The following CSMD1 variants were observed in gnomAD, a reference collection of about 807,000 sequenced individuals.
CSMD1 encodes CUB and sushi domain-containing protein 1.
In CSMD1, 213 loss-of-function variants were observed where a neutral mutation model predicts 417.5. That is an observed-to-expected ratio of 0.51 (90% CI 0.46 to 0.57). CSMD1 has a LOEUF of 0.57. Ranked by LOEUF, CSMD1 falls within the 20% of genes least tolerant of loss-of-function variation. The pLI is 0.00. For synonymous variants in CSMD1, 2,862 were observed against 1,736.8 expected, an observed-to-expected ratio of 1.65 and a Z score of -16.11; for missense variants, 6,923 against 4,529.7, an observed-to-expected ratio of 1.53 and a Z score of -15.17.
intron 15 of CSMD1, among the ~76,000 whole-genome samples, chr8:3,400,434 A>G (rs1309704231): frequency 6.6e-6 from 1 of 152,124 alleles, no homozygotes; most frequent in African/African-American, 2.4e-5. Flanking sequence ...AAAAATGCAA[A>G]AAGTTTATAT....
chr8:3,196,629 C>A (rs1238758634), intron 33 of CSMD1, among the ~76,000 whole-genome samples: 2 of 152,262 alleles, frequency 1.3e-5, no homozygotes, highest in South Asian at 2.1e-4. Context: ...TTGATTATAT[C>A]ACAGCTGATG....
rs1293144520 is a variant in CSMD1, at chr8:3,697,718, A to G, written c.1009+10696T>C. ...TCCAATTACATAGGAATAGAAAGTA[A>G]TTTAGTTATTTTCTTATATAAAATT... On this transcript the variant is annotated intron_variant, in intron 7 of 69. Transcript: ENST00000635120. 3.3e-5 allele frequency among the ~76,000 whole-genome samples: 5 copies of G among 152,212 alleles called. No individual in the cohort carries two copies. The East Asian group carries it at 9.6e-4, about 29-fold the overall frequency.
intron 1 of CSMD1, among the ~76,000 whole-genome samples, chr8:4,848,341 G>A (rs186266093): frequency 6.6e-6 from 1 of 152,170 alleles, no homozygotes; most frequent in Non-Finnish European, 1.5e-5. Flanking sequence ...TTTGGTCAAG[G>A]ATGGGCCACC....
At chr8:4,850,195 AT>A (rs1801384435) in intron 1 of CSMD1, among the ~76,000 whole-genome samples, 2 of 152,014 alleles carry the variant, frequency 1.3e-5, no homozygotes, top group African/African-American at 2.4e-5. Flanking sequence ...TCATTAACCT[AT>A]TTTTTAACTG....
chr8:3,369,133 G>A (rs1482067995), intron 19 of CSMD1, 121 bp downstream of exon 19: 1 of 554,652 alleles, frequency 1.8e-6, no homozygotes, highest in East Asian at 2.9e-5. Flanking sequence ...TTAAAATCTT[G>A]AACTATACAT....
chr8:3,615,329 T>TA, intron 8 of CSMD1, among the ~76,000 whole-genome samples: 1 of 152,262 alleles, frequency 6.6e-6, no homozygotes, highest in Non-Finnish European at 1.5e-5. Flanking sequence ...GAGTCTCCAG[T>TA]AAAAACATCC....
chr8:3,889,901 A>G (rs970429623), intron 5 of CSMD1, among the ~76,000 whole-genome samples: 2 of 152,106 alleles, frequency 1.3e-5, no homozygotes, highest in Non-Finnish European at 2.9e-5. Flanking sequence ...TTACTTTCTG[A>G]GTTGCGCATA....
chr8:4,061,102 T>G (rs909179289), intron 3 of CSMD1, among the ~76,000 whole-genome samples: 2 of 152,182 alleles, frequency 1.3e-5, no homozygotes, highest in African/African-American at 4.8e-5. Flanking sequence ...GTTGATATCT[T>G]ATGGAGAATA....
chr8:4,750,881 C>G (rs1300005805), intron 1 of CSMD1, among the ~76,000 whole-genome samples: 1 of 152,252 alleles, frequency 6.6e-6, no homozygotes, highest in South Asian at 2.1e-4. Flanking sequence ...TGTGAACACC[C>G]AGAGAAGCAG....
intron 26 of CSMD1, among the ~76,000 whole-genome samples, chr8:3,242,898 A>G (rs1446921625): frequency 1.3e-5 from 2 of 152,016 alleles, no homozygotes; most frequent in Admixed American, 6.6e-5. Flanking sequence ...GGGCGTGGAA[A>G]TAAGGCAGGC....
At chr8:3,786,378 C>G (rs1371634137) in intron 5 of CSMD1, among the ~76,000 whole-genome samples, 2 of 151,968 alleles carry the variant, frequency 1.3e-5, no homozygotes, top group Non-Finnish European at 2.9e-5. Context: ...TAGGGAGATA[C>G]TAGAGTGAGA....
chr8:4,439,592 A>G (rs1056878258), intron 2 of CSMD1, among the ~76,000 whole-genome samples: 1 of 152,288 alleles, frequency 6.6e-6, no homozygotes. Flanking sequence ...TTTATTATTA[A>G]CATACTTACA....
intron 3 of CSMD1, among the ~76,000 whole-genome samples, chr8:4,193,118 C>G (rs73658456): frequency 0.028 from 4,261 of 152,256 alleles, 211 homozygotes; most frequent in African/African-American, 0.097. Flanking sequence ...TTTGAATTCT[C>G]TGAGCTTTCA....
At chr8:3,786,820 G>A (rs143025360) in intron 5 of CSMD1, among the ~76,000 whole-genome samples, 1 of 152,120 alleles carries the variant, frequency 6.6e-6, no homozygotes, top group South Asian at 2.1e-4. Context: ...GAAGGAAACA[G>A]AATCTCTACT....
chr8:4,576,457 C>T (rs1300684672), intron 2 of CSMD1, among the ~76,000 whole-genome samples: 3 of 152,162 alleles, frequency 2.0e-5, no homozygotes, highest in African/African-American at 4.8e-5. Flanking sequence ...AATAGTCCTT[C>T]GTTTGGCTGG....
intron 3 of CSMD1, among the ~76,000 whole-genome samples, chr8:4,166,767 C>T (rs147367878): frequency 4.8e-4 from 73 of 152,228 alleles, no homozygotes; most frequent in African/African-American, 1.8e-3. Context: ...ATAAAAAAAG[C>T]AAAATGTAGC....
chr8:4,803,486 A>C (rs1050541626), intron 1 of CSMD1, among the ~76,000 whole-genome samples: 1 of 152,198 alleles, frequency 6.6e-6, no homozygotes, highest in African/African-American at 2.4e-5. Context: ...AGAAAGCCCT[A>C]GGTTGGAATC....
intron 5 of CSMD1, among the ~76,000 whole-genome samples, chr8:3,925,784 C>A (rs975469709): frequency 1.3e-5 from 2 of 151,994 alleles, no homozygotes; most frequent in African/African-American, 4.8e-5. Flanking sequence ...TCTTTTTATT[C>A]CCAGTTTTGG....
chr8:4,567,827 G>C (rs1798688046), intron 2 of CSMD1, among the ~76,000 whole-genome samples: 1 of 152,138 alleles, frequency 6.6e-6, no homozygotes, highest in African/African-American at 2.4e-5. Flanking sequence ...ATGAGCTAAT[G>C]AATATTTCTT....
Sources: gnomAD v4.1 joint callset for allele counts (sites outside exome capture counted in the v4.1 genomes callset) on GRCh38, gnomAD v4.1.1 for gene constraint, MANE v1.5 for transcripts, NCBI Gene and HGNC (gene_info 2026-07-23, HGNC 2026-07-21) for gene names.